MYO18B: variants seen among roughly 807,000 people sequenced by gnomAD.
MYO18B encodes myosin XVIIIB, also known as unconventional myosin-XVIIIb.
In MYO18B, 204 loss-of-function variants were observed where a neutral mutation model predicts 273.0. That is an observed-to-expected ratio of 0.75 (90% CI 0.67 to 0.84). MYO18B has a LOEUF of 0.84. Ranked by LOEUF, MYO18B falls within the 40% of genes least tolerant of loss-of-function variation. The pLI, the probability that MYO18B is intolerant of heterozygous loss-of-function variation, is 0.00. For synonymous variants in MYO18B, 1,330 were observed against 1,305.7 expected, an observed-to-expected ratio of 1.02 and a Z score of -0.40; for missense variants, 3,212 against 3,287.6, an observed-to-expected ratio of 0.98 and a Z score of 0.56.
Position 26,001,743 on chromosome 22 carries a change from T to C in MYO18B, c.6288-1522T>C, listed in dbSNP as rs1933971143. Among the ~76,000 whole-genome samples the C allele has an allele frequency of 2.0e-5, 3 of 152,128 alleles. No individual in the cohort carries two copies. The South Asian group carries it at 6.2e-4, about 32-fold the overall frequency. ...GGAGATGAGAAGATGCCCAGCATGATTAGACATCAAGGAGGGAATGGGTCT... is the reference window on the plus strand; with the variant it reads ...GGAGATGAGAAGATGCCCAGCATGACTAGACATCAAGGAGGGAATGGGTCT... On this transcript the variant is annotated intron_variant, in intron 40 of 43. Coordinates refer to ENST00000335473, the MANE Select transcript of MYO18B (RefSeq NM_032608.7).
chr22:25,818,603 G>A (rs1345695306), intron 12 of MYO18B, among the ~76,000 whole-genome samples: 1 of 152,168 alleles, frequency 6.6e-6, no homozygotes, highest in Non-Finnish European at 1.5e-5. Flanking sequence ...TCTGGGGTGT[G>A]ACCCACATCC....
intron 1 of MYO18B, among the ~76,000 whole-genome samples, chr22:25,750,100 G>A (rs182820117): frequency 5.3e-5 from 8 of 152,248 alleles, no homozygotes; most frequent in Admixed American, 3.3e-4. Context: ...CCTCCTTTAA[G>A]GGATGCTGCA....
intron 7 of MYO18B, among the ~76,000 whole-genome samples, chr22:25,776,422 AC>A: frequency 6.6e-6 from 1 of 152,056 alleles, no homozygotes; most frequent in Non-Finnish European, 1.5e-5. Context: ...ACATGGTGAA[AC>A]CCCATTTCTA....
intron 34 of MYO18B, among the ~76,000 whole-genome samples, chr22:25,925,057 T>C (rs2092400234): frequency 6.6e-6 from 1 of 152,216 alleles, no homozygotes; most frequent in Non-Finnish European, 1.5e-5. Flanking sequence ...CAGCAATACA[T>C]GTCCTATACC....
At chr22:25,906,461 G>A (rs1218154609) in intron 31 of MYO18B, among the ~76,000 whole-genome samples, 4 of 152,070 alleles carry the variant, frequency 2.6e-5, no homozygotes, top group African/African-American at 7.2e-5. Flanking sequence ...TCCTCACCAC[G>A]GCATAGCAGG....
chr22:25,863,654 T>C (rs537274416), intron 21 of MYO18B, among the ~76,000 whole-genome samples: 4 of 152,350 alleles, frequency 2.6e-5, no homozygotes, highest in African/African-American at 7.2e-5. Context: ...TCTTGAATAT[T>C]TGAGGCTTTT....
intron 42 of MYO18B, among the ~76,000 whole-genome samples, chr22:26,014,650 T>C (rs750379053): frequency 2.0e-5 from 3 of 151,696 alleles, no homozygotes; most frequent in Non-Finnish European, 2.9e-5. Context: ...TAAATAAACA[T>C]TTTTTTTTCC....
Position 25,890,895 on chromosome 22 carries a change from C to CT in MYO18B, c.4434+20_4434+21insT. 6.5e-7 allele frequency: 1 copy of CT among 1,543,842 alleles called. No homozygotes were observed. The highest frequency in any genetic ancestry group is 2.2e-5 in the East Asian group (1 of 44,798). On this transcript the variant is annotated intron_variant, in intron 26 of 43. Transcript: ENST00000335473. ...CTCAAGGTGAGTGGTCAGGGGTGGC[C>CT]AGGGGTGGCTGAACACGGTGGCTAA...
chr22:25,855,956 C>T (rs555236695), intron 21 of MYO18B, among the ~76,000 whole-genome samples: 41 of 151,846 alleles, frequency 2.7e-4, no homozygotes, highest in Middle Eastern at 3.4e-3. Flanking sequence ...AAGCATGGTA[C>T]GCAATAGGTA....
At chr22:25,754,790 G>C (rs1183268705) in intron 1 of MYO18B, among the ~76,000 whole-genome samples, 1 of 152,226 alleles carries the variant, frequency 6.6e-6, no homozygotes, top group East Asian at 1.9e-4. Context: ...GGACCTCTGA[G>C]GGGGCAGGAC....
chr22:25,930,109 C>T (rs1832050059), intron 34 of MYO18B, among the ~76,000 whole-genome samples: 2 of 152,112 alleles, frequency 1.3e-5, no homozygotes, highest in Admixed American at 1.3e-4. Context: ...GTTCTTGCTT[C>T]TTTCACTGAT....
At chr22:25,923,001 C>T (rs2092370646) in intron 34 of MYO18B, among the ~76,000 whole-genome samples, 1 of 152,244 alleles carries the variant, frequency 6.6e-6, no homozygotes, top group Non-Finnish European at 1.5e-5. Flanking sequence ...ATTTTGCTGT[C>T]ATACCTGCCC....
In MYO18B at chr22:25,898,370, T is replaced by G; in HGVS notation, c.4732T>G (p.Cys1578Gly). The change falls in exon 29 of 44, where the codon TGC (cysteine) becomes GGC (glycine). Residue 1578 changes from cysteine to glycine, a missense_variant. By Grantham distance (159) the Cys-to-Gly change is radical. Transcript: ENST00000335473. ...GATGGCTCACCAACTGAAGAGGAAG[T>G]GCCACCATCTTACCTGTGACCTTGA... ...KKMAHQLKRK[C>G]HHLTCDLEDT... 6.2e-7 allele frequency: 1 copy of G among 1,613,940 alleles called. No individual in the cohort carries two copies. The highest frequency in any genetic ancestry group is 1.1e-5 in the South Asian group (1 of 91,074).
chr22:25,942,444 C>G (rs955792099), intron 34 of MYO18B, among the ~76,000 whole-genome samples: 1 of 152,232 alleles, frequency 6.6e-6, no homozygotes, highest in Non-Finnish European at 1.5e-5. Flanking sequence ...GAGCTGTTTT[C>G]TCTGCAACAG....
chr22:26,045,334 C>CA, the MYO18B span, among the ~76,000 whole-genome samples: 5 of 152,034 alleles, frequency 3.3e-5, no homozygotes, highest in Non-Finnish European at 5.9e-5. Context: ...ATCCGAGAAA[C>CA]AGACACGTAG....
At chr22:25,972,216 A>G (rs1321693087) in intron 39 of MYO18B, among the ~76,000 whole-genome samples, 1 of 151,688 alleles carries the variant, frequency 6.6e-6, no homozygotes, top group African/African-American at 2.4e-5. Flanking sequence ...GAATATATGC[A>G]TATATATATA....
In MYO18B at chr22:25,890,746, C is replaced by G; in HGVS notation, c.4315-10C>G. The G allele has an allele frequency of 6.2e-7, 1 of 1,613,686 alleles. No individual in the cohort carries two copies. Among genetic ancestry groups the G allele is most frequent in the Non-Finnish European group, 8.5e-7 (1 of 1,179,806 alleles). Reference sequence around the variant, plus strand: ...TGACCGTTCCTTGATCACCCCATTCCCCATCTCAGATTGCTGACTTGACCT... The same window carrying G: ...TGACCGTTCCTTGATCACCCCATTCGCCATCTCAGATTGCTGACTTGACCT... On this transcript the variant is annotated splice_polypyrimidine_tract_variant and intron_variant, in intron 25 of 43. Transcript: ENST00000335473.
intron 1 of MYO18B, among the ~76,000 whole-genome samples, chr22:25,745,390 G>A (rs753500669): frequency 4.6e-5 from 7 of 152,024 alleles, no homozygotes; most frequent in African/African-American, 7.2e-5. Flanking sequence ...GATTACAGGC[G>A]TGGAACCACT....
intron 12 of MYO18B, among the ~76,000 whole-genome samples, chr22:25,804,603 G>A (rs2088379437): frequency 6.6e-6 from 1 of 152,232 alleles, no homozygotes; most frequent in Non-Finnish European, 1.5e-5. Context: ...GTGTGTGTGT[G>A]TGAGAGAGCA....
Sources: allele counts gnomAD v4.1 joint callset (sites outside exome capture counted in the v4.1 genomes callset), GRCh38; gene constraint gnomAD v4.1.1; transcripts MANE v1.5; gene names NCBI Gene and HGNC (gene_info 2026-07-23, HGNC 2026-07-21).